The following MRPL45 variants were observed in gnomAD, a reference collection of about 807,000 sequenced individuals.
The protein encoded by MRPL45 is large ribosomal subunit protein mL45.
In MRPL45, 20 loss-of-function variants were observed where a neutral mutation model predicts 38.1. That is an observed-to-expected ratio of 0.53 (90% CI 0.37 to 0.76). The LOEUF is 0.76. MRPL45 is among the 30% of genes least tolerant of loss of function. MRPL45 has a pLI of 0.00. For missense variants in MRPL45, 337 were observed against 395.6 expected, an observed-to-expected ratio of 0.85 and a Z score of 1.26; for synonymous variants, 105 against 128.8, an observed-to-expected ratio of 0.82 and a Z score of 1.25.
intron 2 of MRPL45, among the ~76,000 whole-genome samples, 156 bp from the exon 3 acceptor site, chr17:38,299,195 G>GT (rs1483631894): frequency 8.6e-5 from 13 of 150,666 alleles, no homozygotes; most frequent in Non-Finnish European, 1.8e-4. Context: ...GCCTTGTTTT[G>GT]TTTTTTTCTA....
In MRPL45 at chr17:38,318,751, C is replaced by A. The variant is rs1477477993; in HGVS notation, c.510+16C>A. The A allele has an allele frequency of 6.3e-7, 1 of 1,586,326 alleles. No individual in the cohort carries two copies. Among genetic ancestry groups the A allele is most frequent in the South Asian group, 1.1e-5 (1 of 90,446 alleles). ...CTGTTTTCCAGTAAGTTCTCATCCT[C>A]CTTAGAACTGTGGGGTGACTGAGTG... On this transcript the variant is annotated intron_variant, in intron 5 of 7. Transcript: ENST00000613675.
intron 6 of MRPL45, 47 bp from the exon 7 acceptor site, chr17:38,322,079 C>G: frequency 6.3e-7 from 1 of 1,581,566 alleles, no homozygotes; most frequent in Non-Finnish European, 8.6e-7. Flanking sequence ...AACTCACACT[C>G]ACACACCAAA....
chr17:38,322,084 A>C, intron 6 of MRPL45, 42 bp from the exon 7 acceptor site: 1 of 1,594,614 alleles, frequency 6.3e-7, no homozygotes, highest in Non-Finnish European at 8.6e-7. Context: ...ACACTCACAC[A>C]CCAAAAAAAC....
Position 38,318,728 on chromosome 17 carries a change from G to C in MRPL45, c.503G>C (p.Cys168Ser), listed in dbSNP as rs1187826082. The change falls in exon 5 of 8, where the codon TGT (cysteine) becomes TCT (serine). Residue 168 changes from cysteine to serine, a missense_variant. Transcript: ENST00000613675. Reference sequence around the variant, plus strand: ...CTTCATACCTTGGTAACTGAACACTGTTTTCCAGTAAGTTCTCATCCTCCT... The same window carrying C: ...CTTCATACCTTGGTAACTGAACACTCTTTTCCAGTAAGTTCTCATCCTCCT... ...DRLHTLVTEH[C>S]FPDMTWDIKY... 10 of 1,607,284 alleles carry C rather than the reference G, an allele frequency of 6.2e-6. No individual in the cohort carries two copies. In the South Asian group the frequency reaches 8.8e-5, roughly 14 times the overall value.
intron 4 of MRPL45, among the ~76,000 whole-genome samples, chr17:38,317,279 G>A (rs1345272088): frequency 6.6e-6 from 1 of 152,154 alleles, no homozygotes; most frequent in Admixed American, 6.6e-5. Flanking sequence ...CCACAGCTCA[G>A]TCTGTTCCTA....
intron 4 of MRPL45, among the ~76,000 whole-genome samples, chr17:38,311,512 C>T (rs2037111252): frequency 6.6e-6 from 1 of 151,932 alleles, no homozygotes; most frequent in Non-Finnish European, 1.5e-5. Flanking sequence ...ATGGTGAAAC[C>T]CCATCTCTAC....
At chr17:38,301,055 A>G (rs1335426756) in intron 3 of MRPL45, among the ~76,000 whole-genome samples, 2 of 152,186 alleles carry the variant, frequency 1.3e-5, no homozygotes, top group Admixed American at 1.3e-4. Flanking sequence ...TCAGTGGTAT[A>G]CAAAGCTTTT....
At chr17:38,308,804 G>C (rs1463578226) in intron 4 of MRPL45, among the ~76,000 whole-genome samples, 2 of 152,038 alleles carry the variant, frequency 1.3e-5, no homozygotes, top group Non-Finnish European at 2.9e-5. Context: ...TCAAACTCCT[G>C]ACCTCAGGTG....
rs1251136872 is a variant in MRPL45, at chr17:38,322,276, C to T, written c.811C>T (p.Pro271Ser). ...TACCAAGATCGTTCCCCCATGGGCA[C>T]CCCCTAAGCAGCCCATCCTTAAGGT... is the stretch of plus-strand genomic sequence containing the variant. ...MHTKIVPPWA[P>S]PKQPILKTVM... Residue 271 changes from proline (P) to serine (S), a missense_variant, in exon 7 of 8, where the codon CCC becomes TCC. By Grantham distance (74) the Pro-to-Ser change is moderately conservative. Coordinates refer to ENST00000613675, the MANE Select transcript of MRPL45 (RefSeq NM_032351.6). 5 of 1,613,890 alleles carry T rather than the reference C, an allele frequency of 3.1e-6. No individual in the cohort carries two copies. The highest frequency in any genetic ancestry group is 4.2e-6 in the Non-Finnish European group (5 of 1,179,998).
At chr17:38,304,688 C>T (rs1344180165) in intron 3 of MRPL45, among the ~76,000 whole-genome samples, 3 of 151,892 alleles carry the variant, frequency 2.0e-5, no homozygotes, top group South Asian at 2.1e-4. Context: ...GGACTACGGG[C>T]GCCTGCCACC....
In MRPL45 at chr17:38,298,559, T is replaced by C. The variant is rs2036959941; in HGVS notation, c.177T>C (p.His59=). Reference sequence around the variant, plus strand: ...AAACAGAAAAGGAGTTTATGCAACATGCCCGGAAAGCAGGATTGGTTATTC... The same window carrying C: ...AAACAGAAAAGGAGTTTATGCAACACGCCCGGAAAGCAGGATTGGTTATTC... ...KFKTEKEFMQ[H]ARKAGLVIPP... is the part of the protein sequence containing the mutation. Residue 59 remains histidine, a synonymous_variant, in exon 2 of 8, where the codon CAT becomes CAC. Coordinates refer to ENST00000613675, the MANE Select transcript of MRPL45 (RefSeq NM_032351.6). 1 of 1,613,806 alleles carries C rather than the reference T, an allele frequency of 6.2e-7. No individual in the cohort carries two copies. Among genetic ancestry groups the C allele is most frequent in the South Asian group, 1.1e-5 (1 of 91,066 alleles).
At chr17:38,318,628 T>C in intron 4 of MRPL45, 59 bp from the exon 5 acceptor site, 1 of 1,242,854 alleles carries the variant, frequency 8.0e-7, no homozygotes. Flanking sequence ...CCATTTTCAG[T>C]CTTCATACAG....
At chr17:38,320,095 T>G (rs944350106) in intron 5 of MRPL45, among the ~76,000 whole-genome samples, 1 of 152,116 alleles carries the variant, frequency 6.6e-6, no homozygotes, top group African/African-American at 2.4e-5. Context: ...AGAGCAAGAT[T>G]GCCGTCTCAA....
chr17:38,311,418 TG>T (rs1400832954), intron 4 of MRPL45, among the ~76,000 whole-genome samples: 4 of 152,098 alleles, frequency 2.6e-5, no homozygotes, highest in Non-Finnish European at 5.9e-5. Flanking sequence ...CCAGGTGTGG[TG>T]GTTCACGCCT....
chr17:38,302,516 T>G (rs2037008767), intron 3 of MRPL45, among the ~76,000 whole-genome samples: 1 of 146,646 alleles, frequency 6.8e-6, no homozygotes. Flanking sequence ...GTTTGTTTTT[T>G]TTTTTTTTTT....
intron 3 of MRPL45, among the ~76,000 whole-genome samples, chr17:38,305,424 G>C (rs1346179777): frequency 1.4e-5 from 2 of 144,700 alleles, no homozygotes; most frequent in Non-Finnish European, 3.0e-5. Context: ...CCGAGATTGC[G>C]CCACTGTACT....
chr17:38,308,938 C>G (rs1422022128), intron 4 of MRPL45, among the ~76,000 whole-genome samples: 6 of 150,148 alleles, frequency 4.0e-5, no homozygotes, highest in Non-Finnish European at 7.4e-5. Flanking sequence ...GACAGAGTCT[C>G]GCTCTGTCAC....
chr17:38,302,076 C>CACT (rs1406759347), intron 3 of MRPL45, among the ~76,000 whole-genome samples: 2 of 135,582 alleles, frequency 1.5e-5, no homozygotes, highest in African/African-American at 5.4e-5. Flanking sequence ...GAGATTGCAC[C>CACT]ACTGCACTCC....
chr17:38,313,403 T>TGA (rs2037144664), intron 4 of MRPL45, among the ~76,000 whole-genome samples: 2 of 111,248 alleles, frequency 1.8e-5, no homozygotes, highest in African/African-American at 7.4e-5. Flanking sequence ...TATATATATA[T>TGA]GAGAGATGGG....
Sources: gnomAD v4.1 joint callset for allele counts (sites outside exome capture counted in the v4.1 genomes callset) on GRCh38, gnomAD v4.1.1 for gene constraint, MANE v1.5 for transcripts, NCBI Gene and HGNC (gene_info 2026-07-23, HGNC 2026-07-21) for gene names.